ARHGAP17: variants seen among roughly 807,000 people sequenced by gnomAD.
The protein encoded by ARHGAP17 is Rho GTPase activating protein 17.
A neutral mutation model predicts 99.5 loss-of-function variants in ARHGAP17; 57 were observed. The ratio of observed to expected loss-of-function variants is 0.57; its 90% CI spans 0.46 to 0.71. The LOEUF is 0.71. Among genes scored for constraint, ARHGAP17 ranks in the 30% least tolerant of loss-of-function variants. The probability of loss-of-function intolerance (pLI) is 0.00; values close to 1 mark genes in which losing one functional copy is unlikely to be tolerated. For synonymous variants in ARHGAP17, 417 were observed against 429.6 expected (o/e 0.97, Z 0.36); for missense variants, 1,000 against 1,122.4 (o/e 0.89, Z 1.56).
intron 19 of ARHGAP17, among the ~76,000 whole-genome samples, chr16:24,928,599 C>T (rs1490232122): frequency 6.6e-6 from 1 of 152,146 alleles, no homozygotes; most frequent in African/African-American, 2.4e-5. Flanking sequence ...CGCACCCGGG[C>T]CTCCTCCCTG....
intron 17 of ARHGAP17, among the ~76,000 whole-genome samples, chr16:24,938,025 C>T (rs1173733150): frequency 6.6e-6 from 1 of 152,066 alleles, no homozygotes; most frequent in Non-Finnish European, 1.5e-5. Context: ...TGGTCATCTG[C>T]CTGGATCAGT....
chr16:25,008,221 A>G (rs1307886817), intron 1 of ARHGAP17, among the ~76,000 whole-genome samples: 1 of 152,212 alleles, frequency 6.6e-6, no homozygotes, highest in Non-Finnish European at 1.5e-5. Flanking sequence ...CTTATTTGGC[A>G]ATAAAAGTTG....
At chr16:24,965,862 A>T (rs1395484037) in intron 6 of ARHGAP17, among the ~76,000 whole-genome samples, 1 of 152,268 alleles carries the variant, frequency 6.6e-6, no homozygotes, top group African/African-American at 2.4e-5. Context: ...GATGTCTGGC[A>T]TATAATGGAT....
At chr16:24,982,298 G>T (rs2052696106) in intron 1 of ARHGAP17, among the ~76,000 whole-genome samples, 1 of 152,002 alleles carries the variant, frequency 6.6e-6, no homozygotes. Flanking sequence ...CAGCTACCTG[G>T]GAGGTTGAGG....
At position 25,006,659 on chromosome 16, in the gene ARHGAP17, T is replaced by C. The variant is rs567461201; in HGVS notation, c.53+8550A>G. ...CGTTGCAGGCCATATGGGTCACTGT[T>C]GCAACTATTCAACCCTGCCACTGTA... On this transcript the variant is annotated intron_variant, in intron 1 of 19. Coordinates refer to ENST00000289968, the MANE Select transcript of ARHGAP17 (RefSeq NM_001006634.3). Among the ~76,000 whole-genome samples, 334 of 152,234 alleles carry C rather than the reference T, an allele frequency of 2.2e-3. 1 individual carries two copies. The highest frequency in any genetic ancestry group is 7.7e-3 in the African/African-American group (321 of 41,522).
chr16:24,935,880 C>T (rs1200747176), intron 17 of ARHGAP17: 6 of 500,374 alleles, frequency 1.2e-5, no homozygotes, highest in Admixed American at 3.2e-5. Flanking sequence ...CTATGTTGCC[C>T]AGGTTGGTCT....
At chr16:24,958,731 T>C (rs1208306969) in intron 9 of ARHGAP17, among the ~76,000 whole-genome samples, 1 of 152,174 alleles carries the variant, frequency 6.6e-6, no homozygotes, top group African/African-American at 2.4e-5. Flanking sequence ...TGCTGGTATG[T>C]ATGCACATCC....
chr16:24,949,878 G>T (rs1483419840), intron 12 of ARHGAP17, among the ~76,000 whole-genome samples: 1 of 152,178 alleles, frequency 6.6e-6, no homozygotes, highest in Non-Finnish European at 1.5e-5. Context: ...ACAGATCAGG[G>T]GGCTGAGCTC....
In ARHGAP17 at chr16:24,919,837, G is replaced by A. The variant is rs572517579; in HGVS notation, c.*293C>T. 7.2e-4 allele frequency: 180 copies of A among 249,908 alleles called. No individual in the cohort carries two copies. Among genetic ancestry groups the A allele is most frequent in the African/African-American group, 3.6e-3 (164 of 45,200 alleles). 15.5% of individuals were successfully genotyped at this position (249,908 alleles called of 1,614,324 possible). ...GCAGGGACAAAAGCTTCCTATGCGCGTTTCAGCAGGAATACTCTCTCCACT... is the reference window on the plus strand; with the variant it reads ...GCAGGGACAAAAGCTTCCTATGCGCATTTCAGCAGGAATACTCTCTCCACT... On this transcript the variant is annotated 3_prime_UTR_variant, in exon 20 of 20. Transcript: ENST00000289968.
At chr16:24,929,480 G>T in intron 19 of ARHGAP17, 1 of 491,978 alleles carries the variant, frequency 2.0e-6, no homozygotes, top group Non-Finnish European at 2.6e-6. Context: ...TGGCCTATTG[G>T]CTGTCAGGGC....
chr16:24,992,465 A>G (rs1379034617), intron 1 of ARHGAP17, among the ~76,000 whole-genome samples: 1 of 152,132 alleles, frequency 6.6e-6, no homozygotes, highest in Non-Finnish European at 1.5e-5. Context: ...CCTCCCGAGT[A>G]GCTGGGACTA....
Position 24,931,390 on chromosome 16 carries a change from C to G in ARHGAP17, c.1909G>C (p.Ala637Pro). 1 of 1,503,186 alleles carries G rather than the reference C, an allele frequency of 6.7e-7. No homozygotes were observed. Among genetic ancestry groups the G allele is most frequent in the African/African-American group, 1.4e-5 (1 of 71,042 alleles). The allele number at this position is 1,503,186 out of a possible 1,614,324, so 93.1% of individuals were successfully genotyped here. The stretch of plus-strand genomic sequence containing the variant: ...TTGCCCGGTTTCGGGGGTGCTGGAG[C>G]GGGTTTTTTAACAGCTGCACAAAAA... ...HTLRRAVKKP[A>P]PAPPKPGNPP... Residue 637 changes from alanine to proline, a missense_variant, in exon 19 of 20, where the codon GCT becomes CCT. Ala to Pro is a conservative substitution (Grantham distance 27). Coordinates refer to ENST00000289968, the MANE Select transcript of ARHGAP17 (RefSeq NM_001006634.3).
At chr16:25,009,903 C>T (rs9937730) in intron 1 of ARHGAP17, among the ~76,000 whole-genome samples, 49,025 of 151,892 alleles carry the variant, frequency 0.32, 9,149 homozygotes, top group East Asian at 0.53. Flanking sequence ...TTCATAAGCA[C>T]AGAAGATGTT....
intron 6 of ARHGAP17, among the ~76,000 whole-genome samples, chr16:24,967,483 TGCCTGAGAAGAAA>T (rs1365065358): frequency 5.9e-5 from 9 of 152,208 alleles, no homozygotes; most frequent in Non-Finnish European, 1.3e-4. Context: ...AACTGTCACA[TGCCTGAGAAGAAA>T]GCCATGTAAG....
At chr16:24,924,361 A>G (rs962884539) in intron 19 of ARHGAP17, among the ~76,000 whole-genome samples, 4 of 152,150 alleles carry the variant, frequency 2.6e-5, no homozygotes, top group Admixed American at 2.0e-4. Flanking sequence ...CTAAGTTTAT[A>G]TGACAAGTAT....
At position 24,937,124 on chromosome 16, in the gene ARHGAP17, A is replaced by AAC. The variant is rs1555459820; in HGVS notation, c.1725-1486_1725-1485insGT. Reference sequence around the variant, plus strand: ...AGAGCAAGACCCTGTCTGAAAAAAAAAAAACAACAAAAAACAGGCCGGGGC... The same window carrying AAC: ...AGAGCAAGACCCTGTCTGAAAAAAAAACAAAACAACAAAAAACAGGCCGGGGC... On this transcript the variant is annotated intron_variant, in intron 17 of 19. Coordinates refer to ENST00000289968, the MANE Select transcript of ARHGAP17 (RefSeq NM_001006634.3). Among the ~76,000 whole-genome samples the AAC allele has an allele frequency of 8.6e-5, 13 of 151,186 alleles. 1 individual carries two copies. Among genetic ancestry groups the AAC allele is most frequent in the African/African-American group, 2.9e-4 (12 of 40,944 alleles).
At chr16:24,939,848 A>C in intron 16 of ARHGAP17, 1 of 537,886 alleles carries the variant, frequency 1.9e-6, no homozygotes, top group Non-Finnish European at 3.3e-6. Context: ...CTAAAAGCAA[A>C]TAGGCAGGCC....
At chr16:24,935,381 G>T in intron 18 of ARHGAP17, 89 bp downstream of exon 18, 1 of 1,390,390 alleles carries the variant, frequency 7.2e-7, no homozygotes, top group African/African-American at 1.4e-5. Context: ...AAAAGATCTG[G>T]CCACAAACCT....
chr16:24,924,457 A>T (rs1437837597), intron 19 of ARHGAP17, among the ~76,000 whole-genome samples: 81 of 114,804 alleles, frequency 7.1e-4, no homozygotes, highest in Admixed American at 2.9e-3. Context: ...TTTTTTTTTT[A>T]AATAAAATAT....
Sources: gnomAD v4.1 joint callset for allele counts (sites outside exome capture counted in the v4.1 genomes callset) on GRCh38, gnomAD v4.1.1 for gene constraint, MANE v1.5 for transcripts, NCBI Gene and HGNC (gene_info 2026-07-23, HGNC 2026-07-21) for gene names.